The following EXOC4 variants were observed in gnomAD, a reference collection of about 807,000 sequenced individuals.
EXOC4 encodes the protein exocyst complex component 4, also known as SEC8-like 1.
In EXOC4, 71 loss-of-function variants were observed where a neutral mutation model predicts 107.2. The observed-to-expected ratio is 0.66, with a 90% CI of 0.55 to 0.81. The LOEUF is 0.81. Among genes scored for constraint, EXOC4 ranks in the 30% least tolerant of loss-of-function variants. EXOC4 has a pLI of 0.00. For synonymous variants in EXOC4, 456 were observed against 441.2 expected (o/e 1.03, Z -0.42); for missense variants, 1,108 against 1,189.6 (o/e 0.93, Z 1.01).
chr7:133,449,355 A>G (rs1482590002), intron 7 of EXOC4, among the ~76,000 whole-genome samples: 1 of 152,198 alleles, frequency 6.6e-6, no homozygotes, highest in African/African-American at 2.4e-5. Flanking sequence ...GCAAGAGAAT[A>G]CATTTCTATT....
intron 13 of EXOC4, among the ~76,000 whole-genome samples, chr7:133,920,763 A>G (rs111356326): frequency 0.012 from 1,841 of 152,196 alleles, 47 homozygotes; most frequent in African/African-American, 0.042. Context: ...TCCTTTCTCA[A>G]TGTAGATCCA....
intron 10 of EXOC4, among the ~76,000 whole-genome samples, chr7:133,683,538 C>T (rs1794231860): frequency 6.6e-6 from 1 of 152,080 alleles, no homozygotes; most frequent in Non-Finnish European, 1.5e-5. Context: ...TGAAAATATA[C>T]TGTGATAATT....
At chr7:133,305,318 G>A (rs1295511897) in intron 3 of EXOC4, among the ~76,000 whole-genome samples, 2 of 152,070 alleles carry the variant, frequency 1.3e-5, no homozygotes, top group African/African-American at 2.4e-5. Context: ...GACAAGGAGA[G>A]GTGATGACTA....
intron 10 of EXOC4, among the ~76,000 whole-genome samples, chr7:133,798,557 C>T (rs1796864358): frequency 1.3e-5 from 2 of 152,188 alleles, no homozygotes; most frequent in African/African-American, 4.8e-5. Context: ...ACATACATCA[C>T]TGCCAACCTT....
intron 13 of EXOC4, among the ~76,000 whole-genome samples, chr7:133,920,151 T>C (rs1474300946): frequency 1.3e-5 from 2 of 152,242 alleles, no homozygotes; most frequent in Non-Finnish European, 2.9e-5. Flanking sequence ...GTTGAACATC[T>C]TTTCATATGC....
chr7:133,550,837 G>A (rs1185676385), intron 9 of EXOC4, among the ~76,000 whole-genome samples: 1 of 151,826 alleles, frequency 6.6e-6, no homozygotes, highest in Non-Finnish European at 1.5e-5. Flanking sequence ...TGCTGCAAAG[G>A]TATTTTATAG....
At chr7:133,670,430 A>T (rs545436368) in intron 10 of EXOC4, among the ~76,000 whole-genome samples, 1 of 152,274 alleles carries the variant, frequency 6.6e-6, no homozygotes, top group African/African-American at 2.4e-5. Context: ...TCCATGTGTG[A>T]CTGCATGCTC....
intron 7 of EXOC4, among the ~76,000 whole-genome samples, chr7:133,442,291 TAAG>T (rs952301719): frequency 9.2e-5 from 14 of 152,102 alleles, no homozygotes; most frequent in African/African-American, 3.1e-4. Context: ...GGGAACAGAA[TAAG>T]GACAATGAGA....
chr7:133,840,851 T>A (rs927507009), intron 11 of EXOC4, among the ~76,000 whole-genome samples: 2 of 152,194 alleles, frequency 1.3e-5, no homozygotes, highest in Non-Finnish European at 2.9e-5. Flanking sequence ...AAGATGTGCA[T>A]TATTACTATA....
intron 7 of EXOC4, among the ~76,000 whole-genome samples, chr7:133,402,881 ATTT>A (rs956173651): frequency 1.0e-4 from 12 of 114,920 alleles, no homozygotes; most frequent in African/African-American, 3.4e-4. Flanking sequence ...AGAGCCTAAT[ATTT>A]TTTTTTTTTT....
At chr7:133,704,280 G>A (rs1053196732) in intron 10 of EXOC4, among the ~76,000 whole-genome samples, 4 of 152,102 alleles carry the variant, frequency 2.6e-5, no homozygotes, top group African/African-American at 4.8e-5. Context: ...TTTATGCAGT[G>A]TTTTTGTATT....
intron 7 of EXOC4, among the ~76,000 whole-genome samples, chr7:133,446,912 T>G (rs1394413088): frequency 6.6e-6 from 1 of 152,216 alleles, no homozygotes; most frequent in Non-Finnish European, 1.5e-5. Context: ...GAGCTTAGCT[T>G]TAATCTACAA....
At chr7:134,099,680 G>T in the EXOC4 span, among the ~76,000 whole-genome samples, 2 of 151,510 alleles carry the variant, frequency 1.3e-5, no homozygotes, top group Admixed American at 1.3e-4. Context: ...ACAGGCACCC[G>T]CCACCTCGCC....
intron 9 of EXOC4, among the ~76,000 whole-genome samples, chr7:133,527,612 A>G (rs1212773404): frequency 6.6e-6 from 1 of 152,162 alleles, no homozygotes; most frequent in African/African-American, 2.4e-5. Flanking sequence ...TTGGTTAAAA[A>G]CTAGTTAGAA....
intron 10 of EXOC4, among the ~76,000 whole-genome samples, chr7:133,732,257 A>C (rs1046529226): frequency 1.3e-5 from 2 of 152,160 alleles, no homozygotes; most frequent in African/African-American, 4.8e-5. Flanking sequence ...AACCCAGAGA[A>C]AGGAACAACA....
the EXOC4 span, among the ~76,000 whole-genome samples, chr7:134,073,205 C>CAAAAAAAA: frequency 0.019 from 433 of 22,586 alleles, 93 homozygotes; most frequent in Admixed American, 0.07. Flanking sequence ...GACTTCCTCT[C>CAAAAAAAA]AAAAAAAAAA....
chr7:133,993,748 A>G (rs1429313572), intron 14 of EXOC4, among the ~76,000 whole-genome samples: 1 of 152,206 alleles, frequency 6.6e-6, no homozygotes, highest in African/African-American at 2.4e-5. Flanking sequence ...TAGGAAGATG[A>G]TGCAACTTCA....
intron 13 of EXOC4, among the ~76,000 whole-genome samples, chr7:133,922,842 C>T (rs990051776): frequency 6.6e-6 from 1 of 150,820 alleles, no homozygotes. Context: ...GAGCGAGACT[C>T]CGTCTCAAAA....
At chr7:133,824,023 A>G (rs1052861656) in intron 11 of EXOC4, among the ~76,000 whole-genome samples, 8 of 145,808 alleles carry the variant, frequency 5.5e-5, no homozygotes, top group African/African-American at 1.8e-4. Context: ...CCTTGTACAT[A>G]AGCCTTGGAA....
Sources: allele counts gnomAD v4.1 joint callset (sites outside exome capture counted in the v4.1 genomes callset), GRCh38; gene constraint gnomAD v4.1.1; transcripts MANE v1.5; gene names NCBI Gene and HGNC (gene_info 2026-07-23, HGNC 2026-07-21).